The following UPF3B variants were observed in gnomAD, a reference collection of about 807,000 sequenced individuals.
The protein encoded by UPF3B is regulator of nonsense transcripts 3B.
A neutral mutation model predicts 40.3 loss-of-function variants in UPF3B; 7 were observed. The ratio of observed to expected loss-of-function variants is 0.17; its 90% CI spans 0.10 to 0.33. UPF3B has a LOEUF of 0.33. UPF3B is among the 10% of genes least tolerant of loss of function. UPF3B has a pLI of 1.00. For missense variants in UPF3B, 229 were observed against 358.9 expected, an observed-to-expected ratio of 0.64 and a Z score of 2.93; for synonymous variants, 117 against 117.3, an observed-to-expected ratio of 1.00 and a Z score of 0.01.
At chrX:119,847,095 T>G (rs1330363394) in intron 3 of UPF3B, among the ~76,000 whole-genome samples, 1 of 112,401 alleles carries the variant, frequency 8.9e-6, no homozygotes, top group Non-Finnish European at 1.9e-5. Context: ...TCACGCCTAT[T>G]AGGAGGACTA....
Position 119,843,290 on chromosome X carries a change from T to C in UPF3B, c.481A>G (p.Arg161Gly). 2 of 1,165,109 alleles carry C rather than the reference T, an allele frequency of 1.7e-6. No homozygotes were observed. The highest frequency in any genetic ancestry group is 2.3e-6 in the Non-Finnish European group (2 of 853,161). ...GTGGCATAACTTTCCAAAAACTTTCTATATTCTGGATCTAAATAATCATTT... is the reference window on the plus strand; with the variant it reads ...GTGGCATAACTTTCCAAAAACTTTCCATATTCTGGATCTAAATAATCATTT... Reference protein sequence around the residue: ...VGTIDDDPEYRKFLESYATDN... With the variant: ...VGTIDDDPEYGKFLESYATDN... Residue 161 changes from arginine (R) to glycine (G), a missense_variant, in exon 5 of 11, where the codon AGA (arginine) becomes GGA (glycine). This residue lies in a region of UPF3B where 87 missense variants were observed against 184.2 expected (regional missense o/e 0.47). Coordinates refer to ENST00000276201, the MANE Select transcript of UPF3B (RefSeq NM_080632.3).
intron 5 of UPF3B, among the ~76,000 whole-genome samples, chrX:119,809,158 G>C (rs948517651): frequency 9.0e-6 from 1 of 111,201 alleles, no homozygotes; most frequent in African/African-American, 3.3e-5. Context: ...CAGCAGGCGA[G>C]AGGTGAATTG....
intron 3 of UPF3B, among the ~76,000 whole-genome samples, chrX:119,845,673 G>A (rs757259859): frequency 9.0e-6 from 1 of 111,722 alleles, no homozygotes; most frequent in East Asian, 2.8e-4. Flanking sequence ...TGGGGTAGAA[G>A]TGGTGAGAAG....
intron 1 of UPF3B, among the ~76,000 whole-genome samples, chrX:119,852,461 T>C (rs2056314013): frequency 9.0e-6 from 1 of 111,655 alleles, no homozygotes; most frequent in Non-Finnish European, 1.9e-5. Flanking sequence ...TATTTAATAT[T>C]TCTCCCCAAT....
downstream of UPF3B, among the ~76,000 whole-genome samples, chrX:119,829,905 G>A (rs914642546): frequency 1.8e-5 from 2 of 111,398 alleles, no homozygotes; most frequent in Admixed American, 1.9e-4. Context: ...ATGAAATCAC[G>A]ACTGCCAAAT....
chrX:119,824,764 CTTTTTTT>C (rs11351287), intron 3 of UPF3B, among the ~76,000 whole-genome samples: 2 of 65,633 alleles, frequency 3.0e-5, no homozygotes, highest in African/African-American at 6.6e-5. Flanking sequence ...CCATTTCTTT[CTTTTTTT>C]TTTTTTTTTT....
chrX:119,822,446 T>C (rs1162768412), intron 4 of UPF3B, among the ~76,000 whole-genome samples: 1 of 113,075 alleles, frequency 8.8e-6, no homozygotes, highest in Non-Finnish European at 1.9e-5. Flanking sequence ...ACATTTCCCC[T>C]GCAAATTGCA....
chrX:119,839,609 G>A (rs1263435538), intron 8 of UPF3B, among the ~76,000 whole-genome samples: 1 of 111,814 alleles, frequency 8.9e-6, no homozygotes, highest in Non-Finnish European at 1.9e-5. Flanking sequence ...TTCATCTCAG[G>A]GTGAAGGCAT....
chrX:119,840,451 T>C (rs1411668123), intron 8 of UPF3B, 195 bp downstream of exon 8: 2 of 388,522 alleles, frequency 5.1e-6, no homozygotes, highest in Non-Finnish European at 9.0e-6. Flanking sequence ...CAGCAGAGCA[T>C]CAGGAAGTCA....
intron 8 of UPF3B, 134 bp from the exon 9 acceptor site, chrX:119,838,661 G>A: frequency 1.6e-6 from 1 of 611,392 alleles, no homozygotes; most frequent in East Asian, 3.3e-5. Context: ...AATCTTTCAG[G>A]TGAACAACTA....
At chrX:119,808,867 A>T (rs1442241069) in intron 5 of UPF3B, among the ~76,000 whole-genome samples, 3 of 112,454 alleles carry the variant, frequency 2.7e-5, no homozygotes, top group Non-Finnish European at 5.6e-5. Context: ...CAGTATTAGT[A>T]GTCTCTTTCT....
Position 119,834,961 on chromosome X carries a change from C to T in UPF3B, c.1369G>A (p.Asp457Asn). 8.3e-7 allele frequency: 1 copy of T among 1,212,102 alleles called. No individual in the cohort carries two copies. Among genetic ancestry groups the T allele is most frequent in the Non-Finnish European group, 1.1e-6 (1 of 895,630 alleles). The part of the protein sequence containing the change: ...RSRNRLCPPD[D>N]STKSGDSAAE... ...GCTGAATCTCCAGACTTGGTGCTGT[C>T]ATCAGGGGGACAGAGTCGATTTCGG... The change falls in exon 11 of 11, where the codon GAC becomes AAC. Residue 457 changes from aspartate to asparagine, a missense_variant. Around this residue, in one of 3 missense-constraint regions of UPF3B, gnomAD observed 119 missense variants for 153.8 expected, o/e 0.77. Coordinates refer to ENST00000276201, the MANE Select transcript of UPF3B (RefSeq NM_080632.3).
At chrX:119,807,674 TA>T in intron 5 of UPF3B, 1 of 435,387 alleles carries the variant, frequency 2.3e-6, no homozygotes, top group Non-Finnish European at 2.9e-6. Context: ...TAATATATAC[TA>T]AAGCTCAGTA....
At chrX:119,832,078 G>A (rs1274397762), downstream of UPF3B, among the ~76,000 whole-genome samples, 1 of 111,686 alleles carries the variant, frequency 9.0e-6, no homozygotes, top group Non-Finnish European at 1.9e-5. Flanking sequence ...TCCCATCTCA[G>A]CTCCCTAGCA....
chrX:119,843,771 C>G (rs1248916819), intron 4 of UPF3B, among the ~76,000 whole-genome samples: 1 of 112,307 alleles, frequency 8.9e-6, no homozygotes, highest in East Asian at 2.8e-4. Flanking sequence ...TTGATCAAGT[C>G]TTCCAGATCT....
Position 119,843,215 on chromosome X carries a change from C to G in UPF3B, c.556G>C (p.Glu186Gln). ...STPETLLEEIEAKNRELIAKK... is the reference protein window; with the variant it reads ...STPETLLEEIQAKNRELIAKK... Reference sequence around the variant, plus strand: ...CCTATTAATTCTCTATTTTTTGCTTCTATTTCCTCTAGCAGTGTCTCTGGA... The same window carrying G: ...CCTATTAATTCTCTATTTTTTGCTTGTATTTCCTCTAGCAGTGTCTCTGGA... The change falls in exon 5 of 11, where the codon GAA becomes CAA. Residue 186 changes from glutamate to glutamine, a missense_variant. Physicochemically the swap from Glu to Gln is conservative, Grantham distance 29 (BLOSUM62 2). This residue lies in a region of UPF3B where 87 missense variants were observed against 184.2 expected (regional missense o/e 0.47). Transcript: ENST00000276201. The G allele has an allele frequency of 1.7e-6, 2 of 1,204,159 alleles. No individual in the cohort carries two copies. The highest frequency in any genetic ancestry group is 2.2e-6 in the Non-Finnish European group (2 of 889,015).
intron 3 of UPF3B, among the ~76,000 whole-genome samples, chrX:119,847,859 GA>G (rs1158602169): frequency 1.2e-3 from 137 of 111,494 alleles, no homozygotes; most frequent in Non-Finnish European, 2.0e-3. Context: ...ACAAGGACTC[GA>G]ATATGTGCAC....
intron 3 of UPF3B, among the ~76,000 whole-genome samples, chrX:119,846,845 T>C (rs970114642): frequency 6.2e-5 from 7 of 112,089 alleles, no homozygotes; most frequent in African/African-American, 1.6e-4. Flanking sequence ...AGGCAACCCA[T>C]GGAATGGGAG....
intron 5 of UPF3B, among the ~76,000 whole-genome samples, chrX:119,814,185 T>C (rs1264101419): frequency 2.7e-5 from 3 of 111,777 alleles, no homozygotes; most frequent in Non-Finnish European, 3.8e-5. Context: ...TTAACAGGAA[T>C]AGACATCGGT....
Sources: gnomAD v4.1 joint callset for allele counts (sites outside exome capture counted in the v4.1 genomes callset) on GRCh38, gnomAD v4.1.1 for gene constraint, gnomAD v4.1.1 regional missense constraint, MANE v1.5 for transcripts, NCBI Gene and HGNC (gene_info 2026-07-23, HGNC 2026-07-21) for gene names.